CASKIN2: variants seen among roughly 807,000 people sequenced by gnomAD.
The protein encoded by CASKIN2 is caskin-2.
In CASKIN2, 41 loss-of-function variants were observed where a neutral mutation model predicts 107.1. That is an observed-to-expected ratio of 0.38 (90% CI 0.30 to 0.50). The LOEUF (loss-of-function observed/expected upper bound fraction) is 0.50. Ranked by LOEUF, CASKIN2 falls within the 20% of genes least tolerant of loss-of-function variation. The pLI is 0.92. For synonymous variants in CASKIN2, 724 were observed against 705.6 expected (o/e 1.03, Z -0.41); for missense variants, 1,546 against 1,657.4 (o/e 0.93, Z 1.17).
rs764148365 is a variant in CASKIN2, at chr17:75,501,859, T to C, written c.3215A>G (p.Glu1072Gly). 11 of 1,562,470 alleles carry C rather than the reference T, an allele frequency of 7.0e-6. No individual in the cohort carries two copies. The East Asian group carries it at 2.0e-4, about 29-fold the overall frequency. Residue 1072 changes from glutamate (E) to glycine (G), a missense_variant, in exon 18 of 20, where the codon GAA (glutamate) becomes GGA (glycine). By Grantham distance (98) the Glu-to-Gly change is moderately conservative. Coordinates refer to ENST00000321617, the MANE Select transcript of CASKIN2 (RefSeq NM_020753.5). The part of the protein sequence containing the change: ...PVPPCPGPGL[E>G]SSAASRWNGE... Reference sequence around the variant, plus strand: ...ATTCCACCGACTAGCTGCTGAGCTTTCCAGACCTGGCCCTGGGCAGGGCGG... The same window carrying C: ...ATTCCACCGACTAGCTGCTGAGCTTCCCAGACCTGGCCCTGGGCAGGGCGG...
In CASKIN2 at chr17:75,500,581, C is replaced by G. The variant is rs887541907; in HGVS notation, c.*499G>C. On this transcript the variant is annotated 3_prime_UTR_variant, in exon 20 of 20. Coordinates refer to ENST00000321617, the MANE Select transcript of CASKIN2 (RefSeq NM_020753.5). ...GAGGGAAGGCGGGGGCAGGAGCTGC[C>G]TGGGCACCACCGCTGTGTATTTACA... is the stretch of plus-strand genomic sequence containing the variant. 6.3e-6 allele frequency: 1 copy of G among 158,254 alleles called. No individual in the cohort carries two copies. 9.8% of individuals were successfully genotyped at this position (158,254 alleles called of 1,614,324 possible).
Position 75,505,575 on chromosome 17 carries a change from C to A in CASKIN2, c.912G>T (p.Arg304=), listed in dbSNP as rs776732693. The change falls in exon 10 of 20, where the codon CGG becomes CGT. Residue 304 remains arginine, a synonymous_variant. Transcript: ENST00000321617. The surrounding 1 kb of genome is among the most constrained non-coding windows in gnomAD (Gnocchi z 5.1). ...CCCTCACCGTGATGACATCCCCTGC[C>A]CGGACATTGAGAGCAGTGGGATCGT... ...NLHDPTALNV[R]AGDVITVLEQ... 3 of 1,613,480 alleles carry A rather than the reference C, an allele frequency of 1.9e-6. No individual in the cohort carries two copies. In the African/African-American group the frequency reaches 4.0e-5, roughly 22 times the overall value.
At chr17:75,509,691 A>G in intron 2 of CASKIN2, 1 of 984,622 alleles carries the variant, frequency 1.0e-6, no homozygotes, top group Non-Finnish European at 1.2e-6. Flanking sequence ...TCAAATGCTC[A>G]CTCTGGCTGT....
In CASKIN2 at chr17:75,501,005, G is replaced by A; in HGVS notation, c.*75C>T. 2 of 1,395,734 alleles carry A rather than the reference G, an allele frequency of 1.4e-6. No homozygotes were observed. Among genetic ancestry groups the A allele is most frequent in the Non-Finnish European group, 2.0e-6 (2 of 1,013,158 alleles). 86.5% of individuals were successfully genotyped at this position (1,395,734 alleles called of 1,614,324 possible). A position where few individuals can be genotyped will look rare whatever the true frequency, so the allele number is the denominator to read the frequency against. ...TGACCAGCCCTTGGCCCGTCCCTAG[G>A]GTGGCAGGGGCCTCTTCTGTGCTGG... is the stretch of plus-strand genomic sequence containing the variant. On this transcript the variant is annotated 3_prime_UTR_variant, in exon 20 of 20. Coordinates refer to ENST00000321617, the MANE Select transcript of CASKIN2 (RefSeq NM_020753.5).
intron 1 of CASKIN2, 117 bp downstream of exon 1, chr17:75,515,284 G>C (rs926755698): frequency 2.0e-5 from 3 of 152,462 alleles, no homozygotes; most frequent in Non-Finnish European, 4.4e-5. Context: ...TGGAAAAAGG[G>C]GCGCGAGGAG....
chr17:75,501,241 T>C, intron 19 of CASKIN2, 71 bp from the exon 20 acceptor site: 1 of 1,408,592 alleles, frequency 7.1e-7, no homozygotes, highest in African/African-American at 1.4e-5. Context: ...GGCAGGGAGC[T>C]GTCATAGCTC....
chr17:75,509,924 G>C (rs896800026), intron 2 of CASKIN2: 3 of 985,720 alleles, frequency 3.0e-6, no homozygotes, highest in Non-Finnish European at 3.6e-6. Context: ...CAAGGGCCAG[G>C]CTGGGTGGCT....
In CASKIN2 at chr17:75,501,926, G is replaced by T. The variant is rs2053195806; in HGVS notation, c.3148C>A (p.Pro1050Thr). 6 of 1,589,370 alleles carry T rather than the reference G, an allele frequency of 3.8e-6. No individual in the cohort carries two copies. Among genetic ancestry groups the T allele is most frequent in the Non-Finnish European group, 5.1e-6 (6 of 1,166,608 alleles). ...EPSSLPAQGV[P>T]TPLAPSPAMQ... ...GCGGGGCTGGGAGCAAGGGGGGTTG[G>T]AACTCCTTGGGCTGGAAGGCTGCTG... The change falls in exon 18 of 20, where the codon CCA becomes ACA. Residue 1050 changes from proline to threonine, a missense_variant. Pro to Thr is a conservative substitution (Grantham distance 38, BLOSUM62 -1). This residue lies in a region of CASKIN2 where 1,311 missense variants were observed against 1,311.0 expected (regional missense o/e 1.00). Transcript: ENST00000321617.
intron 2 of CASKIN2, among the ~76,000 whole-genome samples, chr17:75,512,302 T>C (rs2053321741): frequency 6.6e-6 from 1 of 152,218 alleles, no homozygotes; most frequent in Non-Finnish European, 1.5e-5. Flanking sequence ...CTCCTGCCTA[T>C]GCTGATCTGG....
rs147814154 is a variant in CASKIN2 at position 75,504,430 on chromosome 17, C to T, written c.1365G>A (p.Pro455=). The change falls in exon 13 of 20, where the codon CCG becomes CCA. Residue 455 remains proline, a synonymous_variant. Transcript: ENST00000321617. ...CCTGACCCTTCCTACCTGCCAGGGA[C>T]GGCGGGTGGAGTCCTGGCAGCACCT... ...EDQVLPGLHP[P]SLADNLSHRP... 289 of 1,606,724 alleles carry T rather than the reference C, an allele frequency of 1.8e-4. 1 individual carries two copies. The Middle Eastern group carries it at 2.2e-3, about 12-fold the overall frequency.
chr17:75,514,220 A>C lies in CASKIN2; in HGVS notation c.-404-12T>G. 2.2e-6 allele frequency: 1 copy of C among 448,696 alleles called. No homozygotes were observed. Among genetic ancestry groups the C allele is most frequent in the Non-Finnish European group, 3.9e-6 (1 of 255,812 alleles). The allele number at this position is 448,696 out of a possible 1,614,324, so 27.8% of individuals were successfully genotyped here. Reference sequence around the variant, plus strand: ...CTGGTCTCAGGGCTCTGGAAAAAGCACGGGGCCTCTGTCGAATGCTGGGCC... The same window carrying C: ...CTGGTCTCAGGGCTCTGGAAAAAGCCCGGGGCCTCTGTCGAATGCTGGGCC... On this transcript the variant is annotated splice_polypyrimidine_tract_variant and intron_variant, in intron 1 of 19. Coordinates refer to ENST00000321617, the MANE Select transcript of CASKIN2 (RefSeq NM_020753.5).
Position 75,502,250 on chromosome 17 carries a change from A to G in CASKIN2, c.2824T>C (p.Ser942Pro). 6.4e-7 allele frequency: 1 copy of G among 1,555,912 alleles called. No homozygotes were observed. Among genetic ancestry groups the G allele is most frequent in the Non-Finnish European group, 8.6e-7 (1 of 1,156,220 alleles). ...AGCCCTTCCCCAGAGCTGCCCCGAG[A>G]TGGGGGCGTCCCCTCAGGGCCTGGC... ...EEPGPEGTPP[S>P]RGSSGEGLPF... is the part of the protein sequence containing the mutation. Residue 942 changes from serine to proline, a missense_variant, in exon 18 of 20, where the codon TCT (serine) becomes CCT (proline). Transcript: ENST00000321617. The surrounding 1 kb of genome is among the most constrained non-coding windows in gnomAD (Gnocchi z 4.3).
Position 75,505,279 on chromosome 17 carries a change from C to T in CASKIN2, c.931-206G>A. 1.5e-6 allele frequency: 1 copy of T among 653,834 alleles called. No homozygotes were observed. The highest frequency in any genetic ancestry group is 2.8e-5 in the Admixed American group (1 of 35,102). The allele number at this position is 653,834 out of a possible 1,614,324, so 40.5% of individuals were successfully genotyped here. A position where few individuals can be genotyped will look rare whatever the true frequency, so the allele number is the denominator to read the frequency against. On this transcript the variant is annotated intron_variant, in intron 10 of 19. Coordinates refer to ENST00000321617, the MANE Select transcript of CASKIN2 (RefSeq NM_020753.5). This position sits in a 1 kb window ranked among gnomAD's most constrained non-coding sequence, Gnocchi z 5.1. ...TCCCCTGTGCCTCCAGGGCGAGCCC[C>T]AGTGGCAGCCCGTGGTCAAATCACA...
chr17:75,506,202 A>G lies in CASKIN2; in HGVS notation c.726+103T>C. On this transcript the variant is annotated intron_variant, in intron 8 of 19. Transcript: ENST00000321617. This position sits in a 1 kb window ranked among gnomAD's most constrained non-coding sequence, Gnocchi z 4.8. ...CAGGCCTCTTTCCTGACGCCCATGC[A>G]AAAACCACGCTGGAGTCCTCCGTCC... 3 of 1,068,312 alleles carry G rather than the reference A, an allele frequency of 2.8e-6. No homozygotes were observed. The South Asian group carries it at 4.4e-5, about 16-fold the overall frequency. 66.2% of individuals were successfully genotyped at this position (1,068,312 alleles called of 1,614,324 possible). A position where few individuals can be genotyped will look rare whatever the true frequency, so the allele number is the denominator to read the frequency against.
chr17:75,503,221 C>T lies in CASKIN2; in HGVS notation c.1853G>A (p.Arg618Gln), dbSNP rs1370965988. 5.6e-6 allele frequency: 9 copies of T among 1,597,082 alleles called. No individual in the cohort carries two copies. Among genetic ancestry groups the T allele is most frequent in the Non-Finnish European group, 7.7e-6 (9 of 1,173,394 alleles). The change falls in exon 18 of 20, where the codon CGG becomes CAG. Residue 618 changes from arginine to glutamine, a missense_variant. Physicochemically the swap from Arg to Gln is conservative, Grantham distance 43. This residue lies in a region of CASKIN2 where 1,311 missense variants were observed against 1,311.0 expected (regional missense o/e 1.00). Coordinates refer to ENST00000321617, the MANE Select transcript of CASKIN2 (RefSeq NM_020753.5). ...CAGGCCCCGCCGAAGCTCCGCCAGC[C>T]GCTTCACCCCCAGCATGAGCTTCTT... ...HQKKLMLGVK[R>Q]LAELRRGLLQ...
chr17:75,509,519 G>T, intron 2 of CASKIN2: 1 of 958,658 alleles, frequency 1.0e-6, no homozygotes, highest in Non-Finnish European at 1.2e-6. Context: ...TGCCACAAAG[G>T]TAAAGACAGA....
chr17:75,505,339 A>G lies in CASKIN2; in HGVS notation c.930+218T>C. On this transcript the variant is annotated intron_variant, in intron 10 of 19. Transcript: ENST00000321617. This position sits in a 1 kb window ranked among gnomAD's most constrained non-coding sequence, Gnocchi z 5.1. The stretch of plus-strand genomic sequence containing the variant: ...CTTGCTAGCTGTGTGACCTTGGGCA[A>G]GTCACTTGAATTTCTCTTGATTTTA... 1.6e-6 allele frequency: 1 copy of G among 629,336 alleles called. No individual in the cohort carries two copies. The allele number at this position is 629,336 out of a possible 1,614,324, so 39.0% of individuals were successfully genotyped here.
chr17:75,506,949 C>T lies in CASKIN2; in HGVS notation c.390+35G>A. The T allele has an allele frequency of 6.2e-7, 1 of 1,612,464 alleles. No individual in the cohort carries two copies. The highest frequency in any genetic ancestry group is 8.5e-7 in the Non-Finnish European group (1 of 1,179,278). On this transcript the variant is annotated intron_variant, in intron 5 of 19. Transcript: ENST00000321617. This position sits in a 1 kb window ranked among gnomAD's most constrained non-coding sequence, Gnocchi z 4.8. ...CTGGCCTGTCCGGCACCCCACCCTGCCCTGCGCCACGCCCCTGTGGGCAGC... is the reference window on the plus strand; with the variant it reads ...CTGGCCTGTCCGGCACCCCACCCTGTCCTGCGCCACGCCCCTGTGGGCAGC...
At chr17:75,508,362 G>A in intron 2 of CASKIN2, 77 bp from the exon 3 acceptor site, 2 of 1,508,164 alleles carry the variant, frequency 1.3e-6, no homozygotes, top group Middle Eastern at 1.7e-4. Context: ...ACCTGTCACA[G>A]CCCGGCTGAC....
Sources: gnomAD v4.1 joint callset for allele counts (sites outside exome capture counted in the v4.1 genomes callset) on GRCh38, gnomAD v4.1.1 for gene constraint, gnomAD v4.1.1 regional missense constraint, Gnocchi (gnomAD v3.1) non-coding constraint, MANE v1.5 for transcripts, NCBI Gene and HGNC (gene_info 2026-07-23, HGNC 2026-07-21) for gene names.